TMEM74B: variants seen among roughly 807,000 people sequenced by gnomAD.
The protein encoded by TMEM74B is transmembrane protein C20orf46.
A neutral mutation model predicts 6.5 loss-of-function variants in TMEM74B; 7 were observed. That is an observed-to-expected ratio of 1.07 (90% CI 0.61 to 2.01). TMEM74B has a LOEUF of 2.01. TMEM74B is among the 30% of genes most tolerant of loss of function. The probability of loss-of-function intolerance (pLI) is 0.00; values close to 1 mark genes in which losing one functional copy is unlikely to be tolerated. For missense variants in TMEM74B, 342 were observed against 337.0 expected (o/e 1.01, Z -0.12); for synonymous variants, 151 against 151.6 (o/e 1.00, Z 0.03).
Position 1,184,733 on chromosome 20 carries a change from C to G in TMEM74B, c.-579G>C, listed in dbSNP as rs1048634349. On this transcript the variant is annotated 5_prime_UTR_variant, in exon 1 of 3. Transcript: ENST00000429036. This position sits in a 1 kb window ranked among gnomAD's most constrained non-coding sequence, Gnocchi z 6.0. ...CCCAATACCCCACCCGCCGCGCGCACTGACACCCGGAGAGAGGGACGCACA... is the reference window on the plus strand; with the variant it reads ...CCCAATACCCCACCCGCCGCGCGCAGTGACACCCGGAGAGAGGGACGCACA... The G allele has an allele frequency of 6.6e-6, 1 of 152,438 alleles. No individual in the cohort carries two copies. The highest frequency in any genetic ancestry group is 6.5e-5 in the Admixed American group (1 of 15,284). 9.4% of individuals were successfully genotyped at this position (152,438 alleles called of 1,614,324 possible). A position where few individuals can be genotyped will look rare whatever the true frequency, so the allele number is the denominator to read the frequency against.
rs1172575442 is a variant in TMEM74B at position 1,184,796 on chromosome 20, GAC to G, written c.-644_-643del. 6.6e-6 allele frequency: 1 copy of G among 152,366 alleles called. No homozygotes were observed. 9.4% of individuals were successfully genotyped at this position (152,366 alleles called of 1,614,324 possible). A position where few individuals can be genotyped will look rare whatever the true frequency, so the allele number is the denominator to read the frequency against. ...GAAGCTTCACAAAACCCAGTCGATA[GAC>G]ACACGCACGAGTTGTACACAAAGCC... is the stretch of plus-strand genomic sequence containing the variant. On this transcript the variant is annotated 5_prime_UTR_variant, in exon 1 of 3. Coordinates refer to ENST00000429036, the MANE Select transcript of TMEM74B (RefSeq NM_001304748.2). The surrounding 1 kb of genome is among the most constrained non-coding windows in gnomAD (Gnocchi z 6.0).
chr20:1,180,743 G>A lies in TMEM74B; in HGVS notation c.*105C>T. 1 of 1,465,504 alleles carries A rather than the reference G, an allele frequency of 6.8e-7. No individual in the cohort carries two copies. Among genetic ancestry groups the A allele is most frequent in the East Asian group, 2.3e-5 (1 of 43,270 alleles). The allele number at this position is 1,465,504 out of a possible 1,614,324, so 90.8% of individuals were successfully genotyped here. On this transcript the variant is annotated 3_prime_UTR_variant, in exon 3 of 3. Coordinates refer to ENST00000429036, the MANE Select transcript of TMEM74B (RefSeq NM_001304748.2). The surrounding 1 kb of genome is among the most constrained non-coding windows in gnomAD (Gnocchi z 6.1). ...ACTTCTTCCACAAGGCCCTATGTGAGCTCAGTTTAAAACCCCAGGGCCTTG... is the reference window on the plus strand; with the variant it reads ...ACTTCTTCCACAAGGCCCTATGTGAACTCAGTTTAAAACCCCAGGGCCTTG...
chr20:1,181,293 C>T lies in TMEM74B; in HGVS notation c.326G>A (p.Gly109Glu). 5 of 1,612,678 alleles carry T rather than the reference C, an allele frequency of 3.1e-6. No homozygotes were observed. The highest frequency in any genetic ancestry group is 4.2e-6 in the Non-Finnish European group (5 of 1,179,248). The change falls in exon 3 of 3, where the codon GGG (glycine) becomes GAG (glutamate). Residue 109 changes from glycine (G) to glutamate (E), a missense_variant. Coordinates refer to ENST00000429036, the MANE Select transcript of TMEM74B (RefSeq NM_001304748.2). The surrounding 1 kb of genome is among the most constrained non-coding windows in gnomAD (Gnocchi z 4.9). ...GCGGCTCACGGGCTCCAGGGCTGGC[C>T]CCTCCTCTGAATGAAGGGACAGATC... ...RDDLSLHSEE[G>E]PALEPVSRPV...
chr20:1,188,097 A>G (rs947011417), upstream of TMEM74B, among the ~76,000 whole-genome samples: 9 of 151,936 alleles, frequency 5.9e-5, no homozygotes, highest in Non-Finnish European at 8.8e-5. Flanking sequence ...GAATGAACTC[A>G]TGTTTAGCTT....
chr20:1,181,348 C>T lies in TMEM74B; in HGVS notation c.271G>A (p.Val91Ile). 6.3e-7 allele frequency: 1 copy of T among 1,579,144 alleles called. No individual in the cohort carries two copies. The highest frequency in any genetic ancestry group is 8.6e-7 in the Non-Finnish European group (1 of 1,160,590). Residue 91 changes from valine (V) to isoleucine (I), a missense_variant, in exon 3 of 3, where the codon GTC (valine) becomes ATC (isoleucine). Coordinates refer to ENST00000429036, the MANE Select transcript of TMEM74B (RefSeq NM_001304748.2). The surrounding 1 kb of genome is among the most constrained non-coding windows in gnomAD (Gnocchi z 4.9). ...CGCTGGGATCGGGGCAGTGAGGAGACACCCCCAGGGGGACTGGGTGAGCTG... is the reference window on the plus strand; with the variant it reads ...CGCTGGGATCGGGGCAGTGAGGAGATACCCCCAGGGGGACTGGGTGAGCTG... ...LGSSPSPPGGVSSLPRSQRDD... is the reference protein window; with the variant it reads ...LGSSPSPPGGISSLPRSQRDD...
chr20:1,181,513 G>T lies in TMEM74B; in HGVS notation c.106C>A (p.Leu36Met). The T allele has an allele frequency of 6.7e-7, 1 of 1,500,952 alleles. No homozygotes were observed. The allele number at this position is 1,500,952 out of a possible 1,614,324, so 93.0% of individuals were successfully genotyped here. A position where few individuals can be genotyped will look rare whatever the true frequency, so the allele number is the denominator to read the frequency against. Residue 36 changes from leucine (L) to methionine (M), a missense_variant, in exon 3 of 3, where the codon CTG becomes ATG. By Grantham distance (15) the Leu-to-Met change is conservative. Coordinates refer to ENST00000429036, the MANE Select transcript of TMEM74B (RefSeq NM_001304748.2). This position sits in a 1 kb window ranked among gnomAD's most constrained non-coding sequence, Gnocchi z 4.9. ...CTTGGGGCTTGGGGACCATTGCTCAGTGTCTTCAGTTCCAGACCAGGGGGA... is the reference window on the plus strand; with the variant it reads ...CTTGGGGCTTGGGGACCATTGCTCATTGTCTTCAGTTCCAGACCAGGGGGA... ...ASPPGLELKT[L>M]SNGPQAPRRS...
upstream of TMEM74B, among the ~76,000 whole-genome samples, chr20:1,185,612 C>G (rs897189879): frequency 6.6e-6 from 1 of 151,958 alleles, no homozygotes; most frequent in Non-Finnish European, 1.5e-5. Flanking sequence ...GGCTCCGATC[C>G]ACCGTCCTCC....
chr20:1,181,458 G>T lies in TMEM74B; in HGVS notation c.161C>A (p.Pro54Gln). Residue 54 changes from proline to glutamine, a missense_variant, in exon 3 of 3, where the codon CCA becomes CAA. Transcript: ENST00000429036. This position sits in a 1 kb window ranked among gnomAD's most constrained non-coding sequence, Gnocchi z 4.9. ...RRSAPLGPVA[P>Q]TREGVENACF... is the part of the protein sequence containing the mutation. ...GGCATTCTCCACACCCTCCCTGGTT[G>T]GGGCCACTGGGCCCAGGGGAGCTGA... 6.6e-7 allele frequency: 1 copy of T among 1,514,310 alleles called. No homozygotes were observed. Among genetic ancestry groups the T allele is most frequent in the African/African-American group, 1.4e-5 (1 of 71,666 alleles). The allele number at this position is 1,514,310 out of a possible 1,614,324, so 93.8% of individuals were successfully genotyped here.
rs2086874090 is a variant in TMEM74B at position 1,181,679 on chromosome 20, C to T, written c.32-92G>A. On this transcript the variant is annotated intron_variant, in intron 2 of 2. Transcript: ENST00000429036. This position sits in a 1 kb window ranked among gnomAD's most constrained non-coding sequence, Gnocchi z 4.9. ...AGTCCCTAAGCACATGAAGGTGAGT[C>T]AGGCACAATTCCCACTTGGGGGTGT... 7.4e-7 allele frequency: 1 copy of T among 1,348,126 alleles called. No individual in the cohort carries two copies. Among genetic ancestry groups the T allele is most frequent in the Non-Finnish European group, 9.6e-7 (1 of 1,045,364 alleles). The allele number at this position is 1,348,126 out of a possible 1,614,324, so 83.5% of individuals were successfully genotyped here. A position where few individuals can be genotyped will look rare whatever the true frequency, so the allele number is the denominator to read the frequency against.
chr20:1,182,213 AGTT>A (rs929536924), intron 2 of TMEM74B, among the ~76,000 whole-genome samples: 2 of 152,104 alleles, frequency 1.3e-5, no homozygotes, highest in Admixed American at 6.5e-5. Flanking sequence ...GAAATGCAGA[AGTT>A]GTTGTGGGAA....
Position 1,181,849 on chromosome 20 carries a change from ATAC to A in TMEM74B, c.32-265_32-263del, listed in dbSNP as rs565149134. Among the ~76,000 whole-genome samples the A allele has an allele frequency of 2.7e-3, 410 of 152,302 alleles. 2 individuals carry two copies. The highest frequency in any genetic ancestry group is 9.4e-3 in the African/African-American group (389 of 41,556). ...CTTCAGTTTCCCCACCTATAAAATA[ATAC>A]TACTACTACCCTCTAGTTCGCAAAG... On this transcript the variant is annotated intron_variant, in intron 2 of 2. Coordinates refer to ENST00000429036, the MANE Select transcript of TMEM74B (RefSeq NM_001304748.2). The surrounding 1 kb of genome is among the most constrained non-coding windows in gnomAD (Gnocchi z 4.9).
chr20:1,182,430 G>C (rs984923185), intron 2 of TMEM74B, among the ~76,000 whole-genome samples: 1 of 152,018 alleles, frequency 6.6e-6, no homozygotes, highest in Non-Finnish European at 1.5e-5. Flanking sequence ...TGAGGAGCTG[G>C]AGCAGGAAGT....
At chr20:1,188,351 G>T (rs556240136), upstream of TMEM74B, among the ~76,000 whole-genome samples, 18 of 151,362 alleles carry the variant, frequency 1.2e-4, no homozygotes, top group Non-Finnish European at 1.8e-4. Context: ...TAGGACTTGG[G>T]CAGGAAACAC....
chr20:1,186,545 T>A (rs1218979521), upstream of TMEM74B: 1 of 152,138 alleles, frequency 6.6e-6, no homozygotes, highest in Non-Finnish European at 1.5e-5. Context: ...CCATGAGGAT[T>A]GTGAATGTGC....
rs909881 is a variant in TMEM74B at position 1,184,614 on chromosome 20, A to G, written c.-460T>C. 0.085 allele frequency: 11,450 copies of G among 134,246 alleles called. 1,501 individuals are homozygous for G. The highest frequency in any genetic ancestry group is 0.3 in the African/African-American group (10,781 of 35,682). 8.3% of individuals were successfully genotyped at this position (134,246 alleles called of 1,614,324 possible). On this transcript the variant is annotated 5_prime_UTR_variant, in exon 1 of 3. Coordinates refer to ENST00000429036, the MANE Select transcript of TMEM74B (RefSeq NM_001304748.2). The surrounding 1 kb of genome is among the most constrained non-coding windows in gnomAD (Gnocchi z 6.0). ...CACGCGAGTACCCCGTCACACGCAC[A>G]CGCGCGTACACACACACACACACAC...
Position 1,181,278 on chromosome 20 carries a change from G to T in TMEM74B, c.341C>A (p.Pro114His), listed in dbSNP as rs372431584. The change falls in exon 3 of 3, where the codon CCC becomes CAC. Residue 114 changes from proline (P) to histidine (H), a missense_variant. Pro to His is a moderately conservative substitution (Grantham distance 77). Transcript: ENST00000429036. The surrounding 1 kb of genome is among the most constrained non-coding windows in gnomAD (Gnocchi z 4.9). ...LHSEEGPALE[P>H]VSRPVDYGFV... Reference sequence around the variant, plus strand: ...GCCATAATCCACCGGGCGGCTCACGGGCTCCAGGGCTGGCCCCTCCTCTGA... The same window carrying T: ...GCCATAATCCACCGGGCGGCTCACGTGCTCCAGGGCTGGCCCCTCCTCTGA... The T allele has an allele frequency of 2.7e-5, 44 of 1,613,440 alleles. No individual in the cohort carries two copies. The highest frequency in any genetic ancestry group is 3.5e-5 in the Non-Finnish European group (41 of 1,179,772).
rs764822679 is a variant in TMEM74B at position 1,181,596 on chromosome 20, GA to G, written c.32-10del. The G allele has an allele frequency of 2.1e-6, 3 of 1,449,808 alleles. No individual in the cohort carries two copies. The highest frequency in any genetic ancestry group is 1.8e-6 in the Non-Finnish European group (2 of 1,108,004). The allele number at this position is 1,449,808 out of a possible 1,614,324, so 89.8% of individuals were successfully genotyped here. A position where few individuals can be genotyped will look rare whatever the true frequency, so the allele number is the denominator to read the frequency against. ...CCTTGGCCCCTTGGCAGCTGGAAGA[GA>G]AAAAAGAAAGTCAGTTGAATGTAGC... On this transcript the variant is annotated splice_polypyrimidine_tract_variant and intron_variant, in intron 2 of 2. Coordinates refer to ENST00000429036, the MANE Select transcript of TMEM74B (RefSeq NM_001304748.2). This position sits in a 1 kb window ranked among gnomAD's most constrained non-coding sequence, Gnocchi z 4.9.
Position 1,180,605 on chromosome 20 carries a change from A to G in TMEM74B, c.*243T>C, listed in dbSNP as rs1600186667. The G allele has an allele frequency of 2.4e-6, 1 of 422,184 alleles. No homozygotes were observed. The highest frequency in any genetic ancestry group is 4.0e-6 in the Non-Finnish European group (1 of 247,372). The allele number at this position is 422,184 out of a possible 1,614,324, so 26.2% of individuals were successfully genotyped here. ...AAACTTTTGTATTTTTAGCAGCAGA[A>G]GCCATCCTCCAAACAAAACCGTATG... is the stretch of plus-strand genomic sequence containing the variant. On this transcript the variant is annotated 3_prime_UTR_variant, in exon 3 of 3. Transcript: ENST00000429036. This position sits in a 1 kb window ranked among gnomAD's most constrained non-coding sequence, Gnocchi z 6.1.
At chr20:1,185,096 G>C (rs949185244), upstream of TMEM74B, 7 of 152,120 alleles carry the variant, frequency 4.6e-5, no homozygotes, top group African/African-American at 1.7e-4. Flanking sequence ...CCCGGCCCTC[G>C]GCCTCCTGCC....
Sources: gnomAD v4.1 joint callset for allele counts (sites outside exome capture counted in the v4.1 genomes callset) on GRCh38, gnomAD v4.1.1 for gene constraint, Gnocchi (gnomAD v3.1) non-coding constraint, MANE v1.5 for transcripts, NCBI Gene and HGNC (gene_info 2026-07-23, HGNC 2026-07-21) for gene names.